The following SNX9 variants were observed in gnomAD, a reference collection of about 807,000 sequenced individuals.
The protein encoded by SNX9 is sorting nexin 9.
A neutral mutation model predicts 89.4 loss-of-function variants in SNX9; 44 were observed. That is an observed-to-expected ratio of 0.49 (90% confidence interval 0.39 to 0.63). The LOEUF (loss-of-function observed/expected upper bound fraction) is 0.63. Among genes scored for constraint, SNX9 ranks in the 30% least tolerant of loss-of-function variants. SNX9 has a pLI of 0.00. For missense variants in SNX9, 578 were observed against 736.1 expected (o/e 0.79, Z 2.49); for synonymous variants, 236 against 247.8 (o/e 0.95, Z 0.45).
chr6:157,910,897 G>A (rs1052745431), intron 9 of SNX9, among the ~76,000 whole-genome samples: 7 of 152,230 alleles, frequency 4.6e-5, no homozygotes, highest in East Asian at 1.9e-4. Flanking sequence ...CGAGGCGGGC[G>A]GATCACGAGG....
chr6:157,902,528 C>T (rs1032831271), intron 6 of SNX9, among the ~76,000 whole-genome samples: 10 of 152,108 alleles, frequency 6.6e-5, no homozygotes, highest in African/African-American at 2.4e-4. Flanking sequence ...CCCAGAGAGA[C>T]GCATCGAGTG....
At chr6:157,899,237 C>T (rs182603547) in intron 5 of SNX9, among the ~76,000 whole-genome samples, 193 of 152,288 alleles carry the variant, frequency 1.3e-3, no homozygotes, top group African/African-American at 4.5e-3. Context: ...CACCCCAACT[C>T]GGTCTTTTTA....
At chr6:157,873,889 G>A (rs1782467672) in intron 3 of SNX9, among the ~76,000 whole-genome samples, 1 of 152,044 alleles carries the variant, frequency 6.6e-6, no homozygotes, top group Non-Finnish European at 1.5e-5. Context: ...GTCCTGCCTG[G>A]GACACCCCCA....
chr6:157,919,205 G>T (rs972017544), intron 9 of SNX9, among the ~76,000 whole-genome samples: 1 of 152,018 alleles, frequency 6.6e-6, no homozygotes, highest in Non-Finnish European at 1.5e-5. Context: ...GAGGATAGTC[G>T]TACCGATCTG....
At chr6:157,825,005 T>C (rs1456253730) in intron 1 of SNX9, among the ~76,000 whole-genome samples, 2 of 152,092 alleles carry the variant, frequency 1.3e-5, no homozygotes, top group African/African-American at 4.8e-5. Flanking sequence ...TCCAGCACTT[T>C]GGGAGGCCGC....
chr6:157,857,786 GA>G (rs1350925721), intron 1 of SNX9, among the ~76,000 whole-genome samples: 1 of 151,974 alleles, frequency 6.6e-6, no homozygotes, highest in Non-Finnish European at 1.5e-5. Context: ...TATTGAAGGA[GA>G]GGGGAGAGGT....
At chr6:157,905,502 GTTTA>G (rs1417580449) in intron 6 of SNX9, among the ~76,000 whole-genome samples, 3 of 152,158 alleles carry the variant, frequency 2.0e-5, no homozygotes, top group Non-Finnish European at 4.4e-5. Context: ...AAGTAGTCAA[GTTTA>G]TTTAAGTTTT....
At chr6:157,834,856 A>G (rs1170460723) in intron 1 of SNX9, among the ~76,000 whole-genome samples, 6 of 152,102 alleles carry the variant, frequency 3.9e-5, no homozygotes, top group Non-Finnish European at 8.8e-5. Flanking sequence ...TGCAATTCCA[A>G]CAGTATGTAA....
chr6:157,870,901 C>T (rs1042952454), intron 2 of SNX9, among the ~76,000 whole-genome samples: 1 of 152,266 alleles, frequency 6.6e-6, no homozygotes, highest in African/African-American at 2.4e-5. Context: ...ACACACCCCT[C>T]AGACACACTC....
rs868371678 is a variant in SNX9, at chr6:157,854,105, T to C, written c.13-13442T>C. ...CACACACTGGTGAGGGTGTGGGAGATGGGTACTCTCAACTGGGAGTAAGTT... is the reference window on the plus strand; with the variant it reads ...CACACACTGGTGAGGGTGTGGGAGACGGGTACTCTCAACTGGGAGTAAGTT... On this transcript the variant is annotated intron_variant, in intron 1 of 17. Coordinates refer to ENST00000392185, the MANE Select transcript of SNX9 (RefSeq NM_016224.5). Among the ~76,000 whole-genome samples the C allele has an allele frequency of 9.2e-5, 14 of 152,168 alleles. No individual in the cohort carries two copies. The South Asian group carries it at 1.0e-3, about 11-fold the overall frequency.
Position 157,940,916 on chromosome 6 carries a change from A to G in SNX9, c.1682A>G (p.Tyr561Cys), listed in dbSNP as rs1440029263. The change falls in exon 17 of 18, where the codon TAT (tyrosine) becomes TGT (cysteine). Residue 561 changes from tyrosine to cysteine, a missense_variant. Coordinates refer to ENST00000392185, the MANE Select transcript of SNX9 (RefSeq NM_016224.5). ...AATCACTTTCACAGTAACCGGATCT[A>G]TGATTACAACAGTGTCATCCGCCTG... ...EMNHFHSNRI[Y>C]DYNSVIRLYL... 9 of 1,614,106 alleles carry G rather than the reference A, an allele frequency of 5.6e-6. No homozygotes were observed. Among genetic ancestry groups the G allele is most frequent in the South Asian group, 1.1e-5 (1 of 91,088 alleles).
chr6:157,864,137 G>A (rs930655692), intron 1 of SNX9, among the ~76,000 whole-genome samples: 3 of 152,174 alleles, frequency 2.0e-5, no homozygotes, highest in Non-Finnish European at 2.9e-5. Context: ...TGGCAGGGTA[G>A]GGCCCGGCTC....
At chr6:157,912,329 T>A (rs980711787) in intron 9 of SNX9, among the ~76,000 whole-genome samples, 2 of 152,220 alleles carry the variant, frequency 1.3e-5, no homozygotes, top group African/African-American at 4.8e-5. Flanking sequence ...ATCTTTTAGA[T>A]TTTAATACAT....
At chr6:157,932,342 T>C in intron 13 of SNX9, 70 bp downstream of exon 13, 1 of 1,375,868 alleles carries the variant, frequency 7.3e-7, no homozygotes, top group Non-Finnish European at 1.0e-6. Context: ...CTTAGGATCC[T>C]GCAGACGCTA....
intron 9 of SNX9, among the ~76,000 whole-genome samples, chr6:157,915,640 A>AAAAAAATATATATATATATATAT (rs1472422303): frequency 1.4e-4 from 13 of 95,100 alleles, no homozygotes; most frequent in Non-Finnish European, 2.1e-4. Flanking sequence ...AAAAAAAAAA[A>AAAAAAATATATATATATATATAT]ATATATATAT....
chr6:157,931,178 T>C (rs1783804179), intron 12 of SNX9, among the ~76,000 whole-genome samples: 1 of 152,226 alleles, frequency 6.6e-6, no homozygotes, highest in Non-Finnish European at 1.5e-5. Context: ...ATGAAAACTC[T>C]AGCACACACT....
In SNX9 at chr6:157,875,134, C is replaced by T; in HGVS notation, c.258C>T (p.Ser86=). The change falls in exon 4 of 18, where the codon AGC becomes AGT. Residue 86 remains serine (S), a synonymous_variant. Transcript: ENST00000392185. ...CCTTCCTTGATTCTCTCTCAGCCAG[C>T]ACAGCTCAGGCCAGTTCGTCGGCTG... is the stretch of plus-strand genomic sequence containing the variant. ...DQAFLDSLSA[S]TAQASSSAAS... The T allele has an allele frequency of 5.6e-6, 9 of 1,613,982 alleles. No homozygotes were observed. The highest frequency in any genetic ancestry group is 7.6e-6 in the Non-Finnish European group (9 of 1,179,948).
Position 157,848,727 on chromosome 6 carries a change from C to CA in SNX9, c.13-18819dup, listed in dbSNP as rs1781851765. Among the ~76,000 whole-genome samples the CA allele has an allele frequency of 2.0e-5, 3 of 152,268 alleles. No homozygotes were observed. The South Asian group carries it at 6.2e-4, about 32-fold the overall frequency. On this transcript the variant is annotated intron_variant, in intron 1 of 17. Coordinates refer to ENST00000392185, the MANE Select transcript of SNX9 (RefSeq NM_016224.5). The stretch of plus-strand genomic sequence containing the variant: ...CTGAGCAGGACTGACAGGGAGCTTA[C>CA]AGTTTAGAGAATGCAGACATGTCCA...
chr6:157,849,478 G>A (rs1781866461), intron 1 of SNX9, among the ~76,000 whole-genome samples: 1 of 152,232 alleles, frequency 6.6e-6, no homozygotes, highest in Admixed American at 6.5e-5. Context: ...AATGCTTAGT[G>A]TGCATGTTCA....
Sources: gnomAD v4.1 joint callset for allele counts (sites outside exome capture counted in the v4.1 genomes callset) on GRCh38, gnomAD v4.1.1 for gene constraint, MANE v1.5 for transcripts, NCBI Gene and HGNC (gene_info 2026-07-23, HGNC 2026-07-21) for gene names.